The following DAB2IP variants were observed in gnomAD, a reference collection of about 807,000 sequenced individuals.
The protein encoded by DAB2IP is DAB2 interacting protein, also known as disabled homolog 2-interacting protein.
A neutral mutation model predicts 107.2 loss-of-function variants in DAB2IP; 28 were observed. That is an observed-to-expected ratio of 0.26 (90% CI 0.19 to 0.36). DAB2IP has a LOEUF of 0.36. Among genes scored for constraint, DAB2IP ranks in the 10% least tolerant of loss-of-function variants. The pLI is 1.00. For synonymous variants in DAB2IP, 755 were observed against 706.4 expected, an observed-to-expected ratio of 1.07 and a Z score of -1.09; for missense variants, 1,400 against 1,644.7, an observed-to-expected ratio of 0.85 and a Z score of 2.57.
chr9:121,755,830 A>G (rs1833439013), intron 3 of DAB2IP, among the ~76,000 whole-genome samples: 1 of 152,322 alleles, frequency 6.6e-6, no homozygotes, highest in Non-Finnish European at 1.5e-5. Flanking sequence ...GGCTCTGCCA[A>G]GCTGCGAGCC....
At chr9:121,571,923 A>G (rs776630121) in intron 1 of DAB2IP, among the ~76,000 whole-genome samples, 18 of 152,192 alleles carry the variant, frequency 1.2e-4, no homozygotes, top group Non-Finnish European at 2.5e-4. Flanking sequence ...GAAACTCGGC[A>G]CTAACCCCTG....
chr9:121,656,730 T>G (rs1832987156), intron 1 of DAB2IP, among the ~76,000 whole-genome samples: 1 of 152,178 alleles, frequency 6.6e-6, no homozygotes, highest in Non-Finnish European at 1.5e-5. Context: ...ACTTGCCTTG[T>G]CTTATGCAGT....
intron 2 of DAB2IP, among the ~76,000 whole-genome samples, chr9:121,690,892 C>G (rs1829127926): frequency 6.6e-6 from 1 of 152,120 alleles, no homozygotes; most frequent in Non-Finnish European, 1.5e-5. Context: ...CCCAGGGCAG[C>G]CAGACTCCCC....
chr9:121,684,567 A>G lies in DAB2IP; in HGVS notation c.228+5786A>G, dbSNP rs1209161829. Among the ~76,000 whole-genome samples the G allele has an allele frequency of 6.6e-6, 1 of 152,172 alleles. No individual in the cohort carries two copies. Among genetic ancestry groups the G allele is most frequent in the Non-Finnish European group, 1.5e-5 (1 of 68,030 alleles). ...TGCCCCCTCCTGGCCACCAGGCCCCAGCCCCAGCTGTAGAGGGACCCGAAG... is the reference window on the plus strand; with the variant it reads ...TGCCCCCTCCTGGCCACCAGGCCCCGGCCCCAGCTGTAGAGGGACCCGAAG... On this transcript the variant is annotated intron_variant, in intron 2 of 15. Transcript: ENST00000408936. The surrounding 1 kb of genome is among the most constrained non-coding windows in gnomAD (Gnocchi z 4.0).
Position 121,672,383 on chromosome 9 carries a change from A to T in DAB2IP, c.125-6295A>T, listed in dbSNP as rs114955448. Among the ~76,000 whole-genome samples, 705 of 152,352 alleles carry T rather than the reference A, an allele frequency of 4.6e-3. 4 individuals are homozygous for T. Among genetic ancestry groups the T allele is most frequent in the African/African-American group, 0.016 (647 of 41,572 alleles). Reference sequence around the variant, plus strand: ...ACTGAAATTTGGTGTCTTGTCTGAAATTACAGGATGTTCCTCAGGCCGCCG... The same window carrying T: ...ACTGAAATTTGGTGTCTTGTCTGAATTTACAGGATGTTCCTCAGGCCGCCG... On this transcript the variant is annotated intron_variant, in intron 1 of 15. Transcript: ENST00000408936.
In DAB2IP at chr9:121,782,533, G is replaced by A. The variant is rs779438315; in HGVS notation, c.*35G>A. 3 of 1,603,286 alleles carry A rather than the reference G, an allele frequency of 1.9e-6. No individual in the cohort carries two copies. The highest frequency in any genetic ancestry group is 1.1e-5 in the South Asian group (1 of 90,274). On this transcript the variant is annotated 3_prime_UTR_variant, in exon 16 of 16. Coordinates refer to ENST00000408936, the Ensembl canonical transcript of DAB2IP. The surrounding 1 kb of genome is among the most constrained non-coding windows in gnomAD (Gnocchi z 6.1). ...GGAGGGAGGAAGCTACCCAAGGAGA[G>A]GGGGACTATGGTGGCCAAGGGCAGG... is the stretch of plus-strand genomic sequence containing the variant.
intron 1 of DAB2IP, among the ~76,000 whole-genome samples, chr9:121,659,799 A>G (rs1170028978): frequency 6.6e-6 from 1 of 152,120 alleles, no homozygotes; most frequent in African/African-American, 2.4e-5. Context: ...GTCTCAAAAA[A>G]AGAAAAAAGA....
chr9:121,629,449 A>T (rs1056180877), intron 1 of DAB2IP, among the ~76,000 whole-genome samples: 1 of 152,106 alleles, frequency 6.6e-6, no homozygotes, highest in Non-Finnish European at 1.5e-5. Context: ...TGGGTAATTA[A>T]TGGTGCTCTC....
chr9:121,661,829 A>G (rs534049795), intron 1 of DAB2IP, among the ~76,000 whole-genome samples: 30 of 152,280 alleles, frequency 2.0e-4, no homozygotes, highest in African/African-American at 6.5e-4. Flanking sequence ...AGAAAATTTT[A>G]AAATTTTTTG....
rs1158772249 is a variant in DAB2IP at position 121,621,989 on chromosome 9, T to C, written c.40+54761T>C. Among the ~76,000 whole-genome samples the C allele has an allele frequency of 6.8e-5, 9 of 132,984 alleles. No individual in the cohort carries two copies. The South Asian group carries it at 1.4e-3, about 20-fold the overall frequency. The allele number at this position is 132,984 out of a possible 152,430, so 87.2% of individuals were successfully genotyped here. ...TTTCTTTTTCTTTTTTCTTTCTTTTTTTTTTTTTTTTTTTTTTGAGATGGA... is the reference window on the plus strand; with the variant it reads ...TTTCTTTTTCTTTTTTCTTTCTTTTCTTTTTTTTTTTTTTTTTGAGATGGA... On this transcript the variant is annotated intron_variant, in intron 1 of 16. Coordinates refer to the DAB2IP transcript ENST00000259371.
At chr9:121,682,212 C>T (rs1000598326) in intron 2 of DAB2IP, among the ~76,000 whole-genome samples, 2 of 152,210 alleles carry the variant, frequency 1.3e-5, no homozygotes, top group African/African-American at 2.4e-5. Flanking sequence ...CTCACGTGCT[C>T]AGCTGACTTT....
At chr9:121,750,481 C>A (rs1231341902) in intron 3 of DAB2IP, among the ~76,000 whole-genome samples, 1 of 152,186 alleles carries the variant, frequency 6.6e-6, no homozygotes, top group Non-Finnish European at 1.5e-5. Flanking sequence ...GGAGCCCACT[C>A]TCTCTAAAAC....
intron 1 of DAB2IP, among the ~76,000 whole-genome samples, chr9:121,654,429 A>C (rs2119068296): frequency 6.6e-6 from 1 of 151,992 alleles, no homozygotes; most frequent in Non-Finnish European, 1.5e-5. Context: ...CTGTCTCAAT[A>C]TTGTTTTTGT....
chr9:121,672,020 T>C (rs1833703777), intron 1 of DAB2IP, among the ~76,000 whole-genome samples: 1 of 152,220 alleles, frequency 6.6e-6, no homozygotes, highest in Non-Finnish European at 1.5e-5. Flanking sequence ...CTTCAAGCCC[T>C]TTTCACTCCA....
At chr9:121,666,915 C>A (rs957069632) in intron 1 of DAB2IP, among the ~76,000 whole-genome samples, 10 of 131,840 alleles carry the variant, frequency 7.6e-5, no homozygotes, top group South Asian at 4.7e-4. Flanking sequence ...CACACACACA[C>A]AACACTCTTA....
chr9:121,709,144 A>G (rs1273013604), intron 3 of DAB2IP, among the ~76,000 whole-genome samples: 3 of 152,112 alleles, frequency 2.0e-5, no homozygotes, highest in Non-Finnish European at 2.9e-5. Flanking sequence ...GAGATTCTCT[A>G]TTTCAGTAAA....
chr9:121,655,980 T>TG (rs1211648610), intron 1 of DAB2IP, among the ~76,000 whole-genome samples: 9 of 151,168 alleles, frequency 6.0e-5, no homozygotes, highest in African/African-American at 1.9e-4. Flanking sequence ...TGTGCCACCA[T>TG]GGGGGGTGGG....
intron 3 of DAB2IP, among the ~76,000 whole-genome samples, chr9:121,713,533 G>A (rs1357213661): frequency 6.6e-6 from 1 of 152,192 alleles, no homozygotes; most frequent in African/African-American, 2.4e-5. Flanking sequence ...GGGTGGGAAT[G>A]TTTGAGGTGC....
At chr9:121,686,492 C>T (rs1571804) in intron 2 of DAB2IP, among the ~76,000 whole-genome samples, 39,200 of 152,164 alleles carry the variant, frequency 0.26, 5,635 homozygotes, top group Non-Finnish European at 0.33. Context: ...GGCCACCACC[C>T]CAGTCCCTGC....
Sources: allele counts gnomAD v4.1 joint callset (sites outside exome capture counted in the v4.1 genomes callset), GRCh38; gene constraint gnomAD v4.1.1; non-coding constraint Gnocchi (gnomAD v3.1); transcripts MANE v1.5; gene names NCBI Gene and HGNC (gene_info 2026-07-23, HGNC 2026-07-21).